The following RGS6 variants were observed in gnomAD, a reference collection of about 807,000 sequenced individuals.
The protein encoded by RGS6 is regulator of G protein signaling 6.
In RGS6, 30 loss-of-function variants were observed where a neutral mutation model predicts 78.5. The observed-to-expected ratio is 0.38, with a 90% CI of 0.29 to 0.52. The LOEUF is 0.52. Among genes scored for constraint, RGS6 ranks in the 20% least tolerant of loss-of-function variants. RGS6 has a pLI of 0.85. For synonymous variants in RGS6, 206 were observed against 206.0 expected (o/e 1.00, Z 0.00); for missense variants, 495 against 609.7 (o/e 0.81, Z 1.98).
chr14:72,415,552 C>T (rs1380823887), intron 3 of RGS6, among the ~76,000 whole-genome samples: 1 of 152,216 alleles, frequency 6.6e-6, no homozygotes, highest in Non-Finnish European at 1.5e-5. Context: ...TGTCCTGCAC[C>T]CACTGTCCAG....
intron 3 of RGS6, among the ~76,000 whole-genome samples, chr14:72,389,581 C>T (rs115186083): frequency 0.012 from 1,870 of 152,226 alleles, 39 homozygotes; most frequent in African/African-American, 0.043. Context: ...TCCCATGTTC[C>T]GTTACCCGAT....
chr14:72,244,384 C>T (rs529262891), intron 2 of RGS6, among the ~76,000 whole-genome samples: 23 of 152,030 alleles, frequency 1.5e-4, no homozygotes, highest in Admixed American at 3.9e-4. Context: ...AAAATTGCTA[C>T]CACAGGGATG....
intron 2 of RGS6, among the ~76,000 whole-genome samples, chr14:72,257,140 A>G (rs1301702478): frequency 6.6e-6 from 1 of 152,242 alleles, no homozygotes; most frequent in Non-Finnish European, 1.5e-5. Flanking sequence ...TATCCCTCAT[A>G]GTTAATCACT....
chr14:72,013,990 G>A (rs935346401), intron 2 of RGS6, among the ~76,000 whole-genome samples: 6 of 152,112 alleles, frequency 3.9e-5, no homozygotes, highest in Non-Finnish European at 8.8e-5. Flanking sequence ...CCTTTCTGCC[G>A]ACCCATAGGG....
chr14:71,875,561 G>T, the RGS6 span, among the ~76,000 whole-genome samples: 1 of 152,088 alleles, frequency 6.6e-6, no homozygotes, highest in African/African-American at 2.4e-5. Context: ...CTTGCTAGCG[G>T]TCTATCAATT....
At chr14:72,360,349 G>T (rs987270666) in intron 3 of RGS6, among the ~76,000 whole-genome samples, 1 of 151,360 alleles carries the variant, frequency 6.6e-6, no homozygotes, top group African/African-American at 2.4e-5. Flanking sequence ...GTGAAACCCC[G>T]TCTCTACTAA....
At chr14:71,900,991 AT>A in the RGS6 span, among the ~76,000 whole-genome samples, 1 of 152,200 alleles carries the variant, frequency 6.6e-6, no homozygotes, top group South Asian at 2.1e-4. Flanking sequence ...GAACTCACTT[AT>A]CACCAAGGGG....
At chr14:72,185,230 T>C (rs1280045424) in intron 2 of RGS6, among the ~76,000 whole-genome samples, 4 of 152,100 alleles carry the variant, frequency 2.6e-5, no homozygotes, top group Non-Finnish European at 4.4e-5. Flanking sequence ...CCCACCCAGA[T>C]TGAGAGTGGG....
At chr14:72,404,837 G>A (rs1373243874) in intron 3 of RGS6, among the ~76,000 whole-genome samples, 1 of 152,176 alleles carries the variant, frequency 6.6e-6, no homozygotes, top group Non-Finnish European at 1.5e-5. Flanking sequence ...CCTCAGAAGT[G>A]CTGGCTTAGG....
intron 2 of RGS6, among the ~76,000 whole-genome samples, chr14:72,350,786 A>G (rs72724081): frequency 0.14 from 21,735 of 152,196 alleles, 1,499 homozygotes; most frequent in East Asian, 0.18. Flanking sequence ...GCACCTCACT[A>G]TATCTTTGTT....
intron 2 of RGS6, among the ~76,000 whole-genome samples, chr14:72,284,732 C>A (rs2062200873): frequency 6.6e-6 from 1 of 152,156 alleles, no homozygotes; most frequent in South Asian, 2.1e-4. Flanking sequence ...TTCCAGACCC[C>A]AGAATGGTAG....
In RGS6 at chr14:72,427,974, A is replaced by C. The variant is rs540045240; in HGVS notation, c.185-26554A>C. Among the ~76,000 whole-genome samples the C allele has an allele frequency of 2.0e-5, 3 of 152,326 alleles. No individual in the cohort carries two copies. In the South Asian group the frequency reaches 6.2e-4, roughly 32 times the overall value. ...TCATTTTCCCTTCCAACCCCAATTT[A>C]GGTGGCAGAGGTGGGAGCAGGTGAA... On this transcript the variant is annotated intron_variant, in intron 3 of 17. Transcript: ENST00000553525.
chr14:72,136,634 C>T (rs1047838522), intron 2 of RGS6, among the ~76,000 whole-genome samples: 1 of 152,182 alleles, frequency 6.6e-6, no homozygotes, highest in African/African-American at 2.4e-5. Flanking sequence ...AGTTACCTCC[C>T]ACTGGGTCCC....
intron 2 of RGS6, among the ~76,000 whole-genome samples, chr14:72,135,739 T>G (rs1261817446): frequency 1.3e-5 from 2 of 152,056 alleles, no homozygotes; most frequent in Non-Finnish European, 2.9e-5. Flanking sequence ...AATGCAAAAT[T>G]GCAAGGTTAA....
intron 1 of RGS6, among the ~76,000 whole-genome samples, chr14:71,956,543 G>T (rs2092808099): frequency 2.6e-5 from 4 of 152,028 alleles, no homozygotes; most frequent in Non-Finnish European, 5.9e-5. Flanking sequence ...CCAAGTTTGA[G>T]GGCAGGAAGC....
intron 2 of RGS6, among the ~76,000 whole-genome samples, chr14:72,222,799 T>G (rs1167999226): frequency 6.6e-6 from 1 of 152,228 alleles, no homozygotes; most frequent in African/African-American, 2.4e-5. Flanking sequence ...GAAGCTACAC[T>G]GCTAAGTGCT....
At chr14:72,439,745 G>T (rs1184379060) in intron 3 of RGS6, among the ~76,000 whole-genome samples, 2 of 152,138 alleles carry the variant, frequency 1.3e-5, no homozygotes, top group African/African-American at 4.8e-5. Context: ...TCAACTGATG[G>T]GTGACACCAA....
At chr14:72,375,319 A>C (rs954769328) in intron 3 of RGS6, among the ~76,000 whole-genome samples, 1 of 152,258 alleles carries the variant, frequency 6.6e-6, no homozygotes, top group African/African-American at 2.4e-5. Context: ...AAACAAATCT[A>C]TATCTAGCTA....
At chr14:72,008,097 A>G (rs924406225) in intron 2 of RGS6, among the ~76,000 whole-genome samples, 3 of 152,224 alleles carry the variant, frequency 2.0e-5, no homozygotes, top group African/African-American at 4.8e-5. Flanking sequence ...ATTAGAGACC[A>G]AATCAAGGAG....
Sources: allele counts gnomAD v4.1 joint callset (sites outside exome capture counted in the v4.1 genomes callset), GRCh38; gene constraint gnomAD v4.1.1; transcripts MANE v1.5; gene names NCBI Gene and HGNC (gene_info 2026-07-23, HGNC 2026-07-21).